RARB: variants seen among roughly 807,000 people sequenced by gnomAD.
RARB encodes the protein retinoic acid receptor beta.
A neutral mutation model predicts 51.9 loss-of-function variants in RARB; 17 were observed. The observed-to-expected ratio is 0.33, with a 90% CI of 0.22 to 0.49. RARB has a LOEUF of 0.49. Ranked by LOEUF, RARB falls within the 20% of genes least tolerant of loss-of-function variation. The pLI is 0.99. For missense variants in RARB, 369 were observed against 550.8 expected (o/e 0.67, Z 3.30); for synonymous variants, 215 against 195.4 (o/e 1.10, Z -0.84).
At chr3:24,939,433 T>C (rs1328241896) in intron 2 of RARB, among the ~76,000 whole-genome samples, 5 of 152,194 alleles carry the variant, frequency 3.3e-5, no homozygotes, top group Admixed American at 1.3e-4. Context: ...GCAGGCTGCA[T>C]TATATAGTCT....
intron 5 of RARB, among the ~76,000 whole-genome samples, chr3:25,335,955 C>T (rs1705049731): frequency 3.3e-5 from 5 of 152,070 alleles, no homozygotes; most frequent in East Asian, 3.9e-4. Context: ...TGAGTATTAT[C>T]CATCCTCTAA....
chr3:25,487,808 A>C (rs1176474234), intron 2 of RARB, among the ~76,000 whole-genome samples: 2 of 152,200 alleles, frequency 1.3e-5, no homozygotes, highest in African/African-American at 4.8e-5. Flanking sequence ...GGTCTATTCT[A>C]ATGCTCACTA....
At chr3:25,513,115 T>TA (rs11420573) in intron 3 of RARB, among the ~76,000 whole-genome samples, 31,999 of 98,390 alleles carry the variant, frequency 0.33, 5,246 homozygotes, top group East Asian at 0.58. Context: ...CTGTCTTTAC[T>TA]AAAAAAAAAA....
At chr3:25,323,975 G>A (rs897819013) in intron 5 of RARB, among the ~76,000 whole-genome samples, 4 of 152,022 alleles carry the variant, frequency 2.6e-5, no homozygotes, top group African/African-American at 9.7e-5. Context: ...TGCTAAACTA[G>A]AAAGCAAAAG....
At chr3:25,089,921 T>A (rs1699167515) in intron 3 of RARB, among the ~76,000 whole-genome samples, 1 of 152,154 alleles carries the variant, frequency 6.6e-6, no homozygotes, top group African/African-American at 2.4e-5. Context: ...AAGTCCCCAC[T>A]GAATGGCACA....
intron 4 of RARB, among the ~76,000 whole-genome samples, chr3:25,575,826 T>C (rs544866555): frequency 2.6e-5 from 4 of 152,204 alleles, no homozygotes; most frequent in African/African-American, 4.8e-5. Flanking sequence ...ACACATCTTT[T>C]TGAGGAACAC....
intron 2 of RARB, among the ~76,000 whole-genome samples, chr3:24,913,602 T>C (rs886145121): frequency 1.3e-5 from 2 of 152,144 alleles, no homozygotes; most frequent in Non-Finnish European, 2.9e-5. Context: ...CTTGTATCTA[T>C]CTCAATTAGT....
chr3:25,005,273 C>T (rs1254119691), intron 2 of RARB, among the ~76,000 whole-genome samples: 1 of 152,116 alleles, frequency 6.6e-6, no homozygotes, highest in Non-Finnish European at 1.5e-5. Flanking sequence ...TAAGAAATTA[C>T]ACCAATACGT....
chr3:25,301,677 G>A (rs1704042139), intron 5 of RARB, among the ~76,000 whole-genome samples: 1 of 152,168 alleles, frequency 6.6e-6, no homozygotes, highest in Non-Finnish European at 1.5e-5. Flanking sequence ...CTAGAAGCAG[G>A]ACTTAAAGTG....
At chr3:25,190,391 C>CTA (rs1220822759) in intron 5 of RARB, among the ~76,000 whole-genome samples, 1 of 151,902 alleles carries the variant, frequency 6.6e-6, no homozygotes, top group East Asian at 1.9e-4. Context: ...ATATGTGCAA[C>CTA]TATATATGCA....
chr3:25,202,157 T>G (rs1485360786), intron 5 of RARB, among the ~76,000 whole-genome samples: 1 of 152,196 alleles, frequency 6.6e-6, no homozygotes, highest in Admixed American at 6.5e-5. Context: ...CCTGATTTAG[T>G]CTTGGGAGGG....
chr3:24,971,376 G>A (rs4858135), intron 2 of RARB, among the ~76,000 whole-genome samples: 73,157 of 151,750 alleles, frequency 0.48, 18,038 homozygotes, highest in Admixed American at 0.6. Flanking sequence ...ACAAAATCAT[G>A]TATGTAGTGT....
At chr3:25,123,096 T>C (rs924850931) in intron 3 of RARB, among the ~76,000 whole-genome samples, 3 of 152,150 alleles carry the variant, frequency 2.0e-5, no homozygotes, top group African/African-American at 7.2e-5. Context: ...GACTTGGCAC[T>C]TGGGGTGTCG....
At chr3:25,192,624 G>T (rs905818137) in intron 5 of RARB, among the ~76,000 whole-genome samples, 1 of 152,040 alleles carries the variant, frequency 6.6e-6, no homozygotes. Flanking sequence ...TTATTTAAAA[G>T]TTTTTGGTTT....
intron 5 of RARB, among the ~76,000 whole-genome samples, chr3:25,258,857 T>C (rs1702930053): frequency 6.6e-6 from 1 of 152,074 alleles, no homozygotes; most frequent in Non-Finnish European, 1.5e-5. Context: ...ATTAATTCAG[T>C]CTTAATAGAG....
At chr3:24,991,656 A>C (rs1209071930) in intron 2 of RARB, among the ~76,000 whole-genome samples, 1 of 152,158 alleles carries the variant, frequency 6.6e-6, no homozygotes, top group Non-Finnish European at 1.5e-5. Flanking sequence ...TTACGGGTTT[A>C]GGAAATTGCC....
At chr3:24,941,390 G>A (rs1171303474) in intron 2 of RARB, among the ~76,000 whole-genome samples, 1 of 140,538 alleles carries the variant, frequency 7.1e-6, no homozygotes, top group Non-Finnish European at 1.5e-5. Flanking sequence ...TTTTTTTTGA[G>A]ACAGAGTCTC....
At chr3:24,918,193 G>T (rs768075999) in intron 2 of RARB, among the ~76,000 whole-genome samples, 1 of 152,206 alleles carries the variant, frequency 6.6e-6, no homozygotes, top group East Asian at 1.9e-4. Context: ...CGGTACCTCC[G>T]TACAATGGCA....
intron 3 of RARB, among the ~76,000 whole-genome samples, chr3:25,061,352 A>T (rs1022738601): frequency 1.3e-5 from 2 of 151,840 alleles, no homozygotes; most frequent in African/African-American, 4.8e-5. Context: ...GCTTAACTAT[A>T]AATTTCTTTT....
Sources: allele counts gnomAD v4.1 joint callset (sites outside exome capture counted in the v4.1 genomes callset), GRCh38; gene constraint gnomAD v4.1.1; transcripts MANE v1.5; gene names NCBI Gene and HGNC (gene_info 2026-07-23, HGNC 2026-07-21).